DSE: variants seen among roughly 807,000 people sequenced by gnomAD.
DSE encodes dermatan sulfate epimerase, also known as dermatan-sulfate epimerase.
A neutral mutation model predicts 84.4 loss-of-function variants in DSE; 36 were observed. The ratio of observed to expected loss-of-function variants is 0.43; its 90% CI spans 0.33 to 0.56. The LOEUF is 0.56. Among genes scored for constraint, DSE ranks in the 20% least tolerant of loss-of-function variants. The pLI is 0.06. For missense variants in DSE, 862 were observed against 1,169.6 expected (o/e 0.74, Z 3.84); for synonymous variants, 410 against 430.1 (o/e 0.95, Z 0.58).
chr6:116,263,427 C>T (rs951492333), intron 2 of DSE, among the ~76,000 whole-genome samples: 5 of 151,736 alleles, frequency 3.3e-5, no homozygotes, highest in South Asian at 2.1e-4. Context: ...GATTGCAACC[C>T]TTGCTTTTTT....
chr6:116,393,087 A>C (rs1457746390), intron 1 of DSE, among the ~76,000 whole-genome samples: 1 of 152,242 alleles, frequency 6.6e-6, no homozygotes, highest in Admixed American at 6.5e-5. Flanking sequence ...TGTGTTTCCC[A>C]GTCGCTGTTA....
chr6:116,323,085 C>T (rs1776422484), intron 2 of DSE, among the ~76,000 whole-genome samples: 1 of 152,168 alleles, frequency 6.6e-6, no homozygotes, highest in Non-Finnish European at 1.5e-5. Flanking sequence ...TATGGAATCC[C>T]AGATTTGCAA....
At position 116,273,122 on chromosome 6, in the gene DSE, T is replaced by C. The variant is rs1469363935; in HGVS notation, c.-54+14155T>C. On this transcript the variant is annotated intron_variant, in intron 2 of 3. Transcript: ENST00000430252. ...AGTTTATTTTGGGAAATGCAATACA[T>C]GGTAATTGTAAAACCGGGATTTAAT... is the stretch of plus-strand genomic sequence containing the variant. Among the ~76,000 whole-genome samples, 4 of 152,154 alleles carry C rather than the reference T, an allele frequency of 2.6e-5. 1 individual carries two copies. The highest frequency in any genetic ancestry group is 7.2e-5 in the African/African-American group (3 of 41,424).
intron 2 of DSE, among the ~76,000 whole-genome samples, chr6:116,401,474 A>G (rs1781588119): frequency 1.3e-5 from 2 of 152,092 alleles, no homozygotes. Flanking sequence ...CTTGACCTTC[A>G]AGGTAAAATC....
chr6:116,309,368 C>T (rs1197734891), intron 2 of DSE, among the ~76,000 whole-genome samples: 2 of 152,074 alleles, frequency 1.3e-5, no homozygotes, highest in Admixed American at 6.5e-5. Context: ...TGAAGAAGGT[C>T]AATTGCCTAT....
Position 116,361,163 on chromosome 6 carries a change from G to A in DSE, c.-53-38035G>A, listed in dbSNP as rs573779409. ...CAACCTCCGCTTCCTGGGTTCAGGCGATTCTTCTGCCTTAGCCTCCCCAGT... is the reference window on the plus strand; with the variant it reads ...CAACCTCCGCTTCCTGGGTTCAGGCAATTCTTCTGCCTTAGCCTCCCCAGT... On this transcript the variant is annotated intron_variant, in intron 2 of 3. Coordinates refer to the DSE transcript ENST00000430252. Among the ~76,000 whole-genome samples the A allele has an allele frequency of 4.6e-4, 70 of 152,118 alleles. 1 individual carries two copies. The highest frequency in any genetic ancestry group is 1.5e-3 in the African/African-American group (63 of 41,508).
intron 2 of DSE, among the ~76,000 whole-genome samples, chr6:116,356,228 A>G (rs2640855): frequency 0.011 from 1,632 of 152,298 alleles, 35 homozygotes; most frequent in African/African-American, 0.038. Flanking sequence ...AAATAGTTCT[A>G]GTTTTTGGAA....
At chr6:116,424,204 T>C (rs2115058147) in intron 2 of DSE, among the ~76,000 whole-genome samples, 1 of 152,322 alleles carries the variant, frequency 6.6e-6, no homozygotes, top group African/African-American at 2.4e-5. Context: ...CCAGTCACCA[T>C]GAGTCAGTGA....
Position 116,294,807 on chromosome 6 carries a change from C to A in DSE, c.-54+35840C>A, listed in dbSNP as rs191225785. 8.5e-5 allele frequency among the ~76,000 whole-genome samples: 13 copies of A among 152,252 alleles called. No individual in the cohort carries two copies. In the East Asian group the frequency reaches 2.5e-3, roughly 29 times the overall value. ...AAAAGAGGAGATGTGAATAACAAGT[C>A]TCTCCTCCAATTTCCTCTCACCCCA... On this transcript the variant is annotated intron_variant, in intron 2 of 3. Coordinates refer to the DSE transcript ENST00000430252.
chr6:116,405,954 C>A (rs1479206383), intron 2 of DSE, among the ~76,000 whole-genome samples: 1 of 152,162 alleles, frequency 6.6e-6, no homozygotes, highest in South Asian at 2.1e-4. Flanking sequence ...TTAAACTCTT[C>A]CCCATCTATT....
intron 2 of DSE, among the ~76,000 whole-genome samples, chr6:116,293,513 A>G (rs1354158265): frequency 1.3e-5 from 2 of 152,068 alleles, no homozygotes; most frequent in Non-Finnish European, 2.9e-5. Flanking sequence ...TGAGGCCAAT[A>G]TTTGTTTGAA....
At chr6:116,271,247 A>G (rs560220308) in intron 2 of DSE, among the ~76,000 whole-genome samples, 2 of 152,342 alleles carry the variant, frequency 1.3e-5, no homozygotes, top group Admixed American at 1.3e-4. Flanking sequence ...CACTTGGCAC[A>G]TTGGTTAAAA....
intron 2 of DSE, among the ~76,000 whole-genome samples, chr6:116,319,845 C>T (rs62423852): frequency 0.053 from 8,043 of 152,198 alleles, 408 homozygotes; most frequent in Admixed American, 0.13. Flanking sequence ...GTTCTTCTCC[C>T]TCCTGTTTAC....
Position 116,435,941 on chromosome 6 carries a change from A to G in DSE, c.1473A>G (p.Ser491=). The change falls in exon 6 of 6, where the codon TCA becomes TCG. Residue 491 remains serine, a synonymous_variant. Transcript: ENST00000644252. ...TTTTGATGTTTTCCCCAGCTGTGTC[A>G]AAGAGCTGCTTTTCTCCCTGGGTGG... ...NNVLMFSPAV[S]KSCFSPWVGQ... 6.2e-7 allele frequency: 1 copy of G among 1,614,150 alleles called. No individual in the cohort carries two copies. The highest frequency in any genetic ancestry group is 8.5e-7 in the Non-Finnish European group (1 of 1,180,020).
intron 2 of DSE, among the ~76,000 whole-genome samples, chr6:116,283,466 T>G (rs1433557636): frequency 2.0e-5 from 3 of 152,214 alleles, no homozygotes; most frequent in African/African-American, 7.2e-5. Flanking sequence ...GATGGGAGCA[T>G]AGTTGCAGCT....
At chr6:116,340,173 C>T (rs796833103) in intron 2 of DSE, among the ~76,000 whole-genome samples, 112 of 152,104 alleles carry the variant, frequency 7.4e-4, no homozygotes, top group African/African-American at 2.5e-3. Flanking sequence ...TAATGTTTTT[C>T]GTCAAATTTA....
At chr6:116,347,799 C>A (rs905055845) in intron 2 of DSE, among the ~76,000 whole-genome samples, 1 of 152,196 alleles carries the variant, frequency 6.6e-6, no homozygotes, top group Non-Finnish European at 1.5e-5. Flanking sequence ...CAAATGGAAT[C>A]TAATTAAACT....
At chr6:116,418,094 A>G (rs1201613653) in intron 2 of DSE, among the ~76,000 whole-genome samples, 1 of 152,152 alleles carries the variant, frequency 6.6e-6, no homozygotes, top group East Asian at 1.9e-4. Context: ...CACATCTGCT[A>G]AGTGGCAATT....
intron 2 of DSE, among the ~76,000 whole-genome samples, chr6:116,323,030 A>G (rs2114767261): frequency 6.6e-6 from 1 of 152,250 alleles, no homozygotes; most frequent in South Asian, 2.1e-4. Flanking sequence ...CAGAAAAGAG[A>G]GCTGATAGTG....
Sources: gnomAD v4.1 joint callset for allele counts (sites outside exome capture counted in the v4.1 genomes callset) on GRCh38, gnomAD v4.1.1 for gene constraint, MANE v1.5 for transcripts, NCBI Gene and HGNC (gene_info 2026-07-23, HGNC 2026-07-21) for gene names.